The following DAB1 variants were observed in gnomAD, a reference collection of about 807,000 sequenced individuals.
DAB1 encodes DAB adaptor protein 1, also known as disabled homolog 1.
In DAB1, 15 loss-of-function variants were observed where a neutral mutation model predicts 64.6. The observed-to-expected ratio is 0.23, with a 90% CI of 0.16 to 0.36. The LOEUF (loss-of-function observed/expected upper bound fraction) is 0.36. DAB1 is among the 10% of genes least tolerant of loss of function. The pLI, the probability that DAB1 is intolerant of heterozygous loss-of-function variation, is 1.00. For synonymous variants in DAB1, 235 were observed against 251.9 expected, an observed-to-expected ratio of 0.93 and a Z score of 0.64; for missense variants, 596 against 706.7, an observed-to-expected ratio of 0.84 and a Z score of 1.78.
chr1:58,527,158 C>T (rs1427231963), intron 2 of DAB1: 21 of 744,336 alleles, frequency 2.8e-5, no homozygotes, highest in Non-Finnish European at 4.7e-5. Context: ...CTAATACAGT[C>T]CAACTCTCAT....
chr1:57,353,596 C>T (rs1053204942), intron 1 of DAB1, among the ~76,000 whole-genome samples: 23 of 152,144 alleles, frequency 1.5e-4, no homozygotes, highest in Non-Finnish European at 7.4e-5. Context: ...GCATTCACTT[C>T]TATCTCATTT....
intron 3 of DAB1, among the ~76,000 whole-genome samples, chr1:58,347,603 C>T (rs980580630): frequency 1.3e-5 from 2 of 152,178 alleles, no homozygotes; most frequent in Non-Finnish European, 2.9e-5. Flanking sequence ...GTGCACAGTG[C>T]TAGGAGCTTG....
chr1:57,959,383 A>G (rs925639580), intron 5 of DAB1, among the ~76,000 whole-genome samples: 1 of 152,234 alleles, frequency 6.6e-6, no homozygotes, highest in African/African-American at 2.4e-5. Flanking sequence ...TAAGGGAAGT[A>G]GAGGGCTTCA....
At chr1:57,735,214 T>G (rs2101780595) in intron 6 of DAB1, among the ~76,000 whole-genome samples, 1 of 152,260 alleles carries the variant, frequency 6.6e-6, no homozygotes, top group Non-Finnish European at 1.5e-5. Context: ...AAAAGACGAC[T>G]GCCTTTGTGA....
chr1:57,891,088 T>C (rs1644306217), intron 5 of DAB1, among the ~76,000 whole-genome samples: 1 of 152,106 alleles, frequency 6.6e-6, no homozygotes, highest in African/African-American at 2.4e-5. Context: ...ACCTACAGAA[T>C]GGGAGAAAAT....
At chr1:57,149,789 T>C (rs143729265) in intron 2 of DAB1, among the ~76,000 whole-genome samples, 62 of 152,228 alleles carry the variant, frequency 4.1e-4, no homozygotes, top group Admixed American at 1.4e-3. Context: ...TTAGCCTCAT[T>C]TTTTCGTGTC....
At chr1:57,240,053 C>T (rs527473886) in intron 2 of DAB1, among the ~76,000 whole-genome samples, 5 of 152,206 alleles carry the variant, frequency 3.3e-5, no homozygotes, top group Admixed American at 3.3e-4. Flanking sequence ...AATCCTCCAA[C>T]CACACTAAGC....
intron 4 of DAB1, among the ~76,000 whole-genome samples, chr1:58,305,624 A>G (rs1662287716): frequency 1.3e-5 from 2 of 152,070 alleles, no homozygotes; most frequent in South Asian, 4.2e-4. Context: ...AAATAAAGTT[A>G]TCAGATCAAA....
At chr1:56,998,385 A>G (rs1335625549) in intron 14 of DAB1, among the ~76,000 whole-genome samples, 1 of 152,206 alleles carries the variant, frequency 6.6e-6, no homozygotes, top group Non-Finnish European at 1.5e-5. Flanking sequence ...GTAGCATGGT[A>G]TAGTAGGGAG....
chr1:58,200,040 A>G lies in DAB1; in HGVS notation n.310-49452T>C, dbSNP rs552889400. 1.6e-4 allele frequency among the ~76,000 whole-genome samples: 24 copies of G among 152,316 alleles called. No homozygotes were observed. The South Asian group carries it at 4.1e-3, about 26-fold the overall frequency. On this transcript the variant is annotated intron_variant and non_coding_transcript_variant, in intron 4 of 20. Transcript: ENST00000485760. ...CACTTCCACTCATATTCCATTGGTCAGAACTCAGATGCACAGAGACACAGA... is the reference window on the plus strand; with the variant it reads ...CACTTCCACTCATATTCCATTGGTCGGAACTCAGATGCACAGAGACACAGA...
intron 12 of DAB1, among the ~76,000 whole-genome samples, chr1:57,013,249 C>G (rs1054411113): frequency 6.6e-6 from 1 of 152,180 alleles, no homozygotes; most frequent in Non-Finnish European, 1.5e-5. Context: ...TTCCCAAATG[C>G]CTCTCATGTC....
intron 7 of DAB1, among the ~76,000 whole-genome samples, chr1:57,472,445 A>G (rs1042645172): frequency 6.6e-6 from 1 of 152,232 alleles, no homozygotes; most frequent in Non-Finnish European, 1.5e-5. Context: ...CAGAAATGAA[A>G]TCCAGAAGCA....
At chr1:57,315,804 C>G (rs962815981) in intron 1 of DAB1, among the ~76,000 whole-genome samples, 3 of 152,244 alleles carry the variant, frequency 2.0e-5, no homozygotes, top group African/African-American at 7.2e-5. Flanking sequence ...GCCCGGCCAC[C>G]TATTATATGA....
At chr1:57,626,467 A>G (rs1223897299) in intron 7 of DAB1, among the ~76,000 whole-genome samples, 4 of 152,226 alleles carry the variant, frequency 2.6e-5, no homozygotes, top group Non-Finnish European at 1.5e-5. Flanking sequence ...AGAGATCATT[A>G]GCGTCAGAGG....
chr1:57,636,073 G>A (rs1434291771), intron 7 of DAB1, among the ~76,000 whole-genome samples: 1 of 126,098 alleles, frequency 7.9e-6, no homozygotes, highest in Non-Finnish European at 1.6e-5. Context: ...GTCCGGCCTG[G>A]GCAAAAGAGC....
At chr1:58,029,572 C>T (rs74634416) in intron 5 of DAB1, among the ~76,000 whole-genome samples, 3,615 of 152,278 alleles carry the variant, frequency 0.024, 99 homozygotes, top group African/African-American at 0.062. Flanking sequence ...ACTCATCCAA[C>T]ATAGAATTTG....
intron 1 of DAB1, among the ~76,000 whole-genome samples, chr1:57,325,915 C>G (rs1440258759): frequency 1.3e-5 from 2 of 152,202 alleles, no homozygotes; most frequent in Admixed American, 6.5e-5. Context: ...GACACTCTTT[C>G]TCTCTGAATC....
intron 6 of DAB1, among the ~76,000 whole-genome samples, chr1:57,686,842 C>T (rs143861056): frequency 1.2e-3 from 176 of 152,238 alleles, no homozygotes; most frequent in East Asian, 7.7e-3. Flanking sequence ...TTGATAGAAT[C>T]CAACATCCTT....
chr1:58,026,978 GA>G (rs1646904479), intron 5 of DAB1, among the ~76,000 whole-genome samples: 1 of 152,174 alleles, frequency 6.6e-6, no homozygotes, highest in Non-Finnish European at 1.5e-5. Context: ...AGGACAAATG[GA>G]CCAAATCTTG....
Sources: gnomAD v4.1 joint callset for allele counts (sites outside exome capture counted in the v4.1 genomes callset) on GRCh38, gnomAD v4.1.1 for gene constraint, MANE v1.5 for transcripts, NCBI Gene and HGNC (gene_info 2026-07-23, HGNC 2026-07-21) for gene names.